The following UBR4 variants were observed in gnomAD, a reference collection of about 807,000 sequenced individuals.
UBR4 encodes the protein ubiquitin protein ligase E3 component n-recognin 4.
In UBR4, 124 loss-of-function variants were observed where a neutral mutation model predicts 575.6. That is an observed-to-expected ratio of 0.22 (90% CI 0.19 to 0.25). The LOEUF (loss-of-function observed/expected upper bound fraction) is 0.25. UBR4 is among the 10% of genes least tolerant of loss of function. The pLI, the probability that UBR4 is intolerant of heterozygous loss-of-function variation, is 1.00. For synonymous variants in UBR4, 2,455 were observed against 2,473.7 expected (o/e 0.99, Z 0.22); for missense variants, 4,818 against 6,478.8 (o/e 0.74, Z 8.80).
intron 21 of UBR4, 111 bp from the exon 22 acceptor site, chr1:19,174,558 A>T: frequency 7.0e-7 from 1 of 1,419,870 alleles, no homozygotes; most frequent in South Asian, 1.3e-5. Flanking sequence ...ATCAAATCAT[A>T]ATCATTAATT....
rs144957631 is a variant in UBR4, at chr1:19,176,623, T to G, written c.2742A>C (p.Val914=). Residue 914 remains valine (V), a synonymous_variant, in exon 20 of 106, where the codon GTA becomes GTC. Transcript: ENST00000375254. ...AGAAATGCTTAGACCAGTTTTCTTC[T>G]ACTTCTTTGAATCCATGATAGAGAG... ...TTPLYHGFKE[V]EENWSKHFSS... is the part of the protein sequence containing the mutation. The G allele has an allele frequency of 1.9e-6, 3 of 1,614,010 alleles. No homozygotes were observed. The African/African-American group carries it at 4.0e-5, about 22-fold the overall frequency.
At chr1:19,079,693 C>G (rs2076296870) in intron 103 of UBR4, 2 of 152,358 alleles carry the variant, frequency 1.3e-5, no homozygotes, top group Admixed American at 6.5e-5. Context: ...GCCCTTCCAG[C>G]CGCGGTCTCT....
chr1:19,095,095 C>G, intron 93 of UBR4, 70 bp from the exon 94 acceptor site: 1 of 1,608,958 alleles, frequency 6.2e-7, no homozygotes, highest in Non-Finnish European at 8.5e-7. Context: ...GACAATTGCT[C>G]TCAAGGATGC....
At chr1:19,151,578 G>C (rs2085724373) in intron 48 of UBR4, 65 bp downstream of exon 48, 4 of 1,548,404 alleles carry the variant, frequency 2.6e-6, no homozygotes, top group Middle Eastern at 1.7e-4. Context: ...ACAGCCACAG[G>C]CCAGTGGCTC....
At chr1:19,137,744 T>C (rs1438102723) in intron 60 of UBR4, among the ~76,000 whole-genome samples, 1 of 152,190 alleles carries the variant, frequency 6.6e-6, no homozygotes, top group African/African-American at 2.4e-5. Context: ...TTTATGACAA[T>C]CACTTTACAG....
Position 19,110,012 on chromosome 1 carries a change from C to CATGAGAAAA in UBR4, c.12105+83_12105+84insTTTTCTCAT, listed in dbSNP as rs2079664325. On this transcript the variant is annotated intron_variant, in intron 81 of 105. Transcript: ENST00000375254. The surrounding 1 kb of genome is among the most constrained non-coding windows in gnomAD (Gnocchi z 4.5). ...GGTGGGCTCAAGGCAAAGCGGAGACCATGAGGAGGCAGGGCACACTGCCAG... is the reference window on the plus strand; with the variant it reads ...GGTGGGCTCAAGGCAAAGCGGAGACCATGAGAAAAATGAGGAGGCAGGGCACACTGCCAG... 1.3e-5 allele frequency: 20 copies of CATGAGAAAA among 1,592,308 alleles called. No homozygotes were observed. The East Asian group carries it at 4.5e-4, about 36-fold the overall frequency.
chr1:19,146,837 T>A lies in UBR4; in HGVS notation c.7793A>T (p.Gln2598Leu). The A allele has an allele frequency of 6.2e-7, 1 of 1,613,302 alleles. No homozygotes were observed. Among genetic ancestry groups the A allele is most frequent in the Non-Finnish European group, 8.5e-7 (1 of 1,179,488 alleles). ...LVHFTESKLP[Q>L]METEGMDEGK... ...GAGGCCAAGTTCACCTGTTTCCATC[T>A]GGGGCAGCTTTGACTCCGTAAAGTG... Residue 2598 changes from glutamine to leucine, a missense_variant, in exon 52 of 106, where the codon CAG (glutamine) becomes CTG (leucine). Around this residue, in one of 29 missense-constraint regions of UBR4, gnomAD observed 340 missense variants for 375.4 expected, o/e 0.91. Coordinates refer to ENST00000375254, the MANE Select transcript of UBR4 (RefSeq NM_020765.3).
Position 19,210,065 on chromosome 1 carries a change from C to G in UBR4, c.176+8G>C, listed in dbSNP as rs1293727735. 1.3e-6 allele frequency: 2 copies of G among 1,546,802 alleles called. No homozygotes were observed. Among genetic ancestry groups the G allele is most frequent in the African/African-American group, 1.4e-5 (1 of 70,774 alleles). On this transcript the variant is annotated splice_region_variant and intron_variant, in intron 1 of 105. Transcript: ENST00000375254. ...ACAGCGTCGCCCGCCAGAGCCGCCGCCCGGTACCTCTCGATGACTGAGGCC... is the reference window on the plus strand; with the variant it reads ...ACAGCGTCGCCCGCCAGAGCCGCCGGCCGGTACCTCTCGATGACTGAGGCC...
At chr1:19,114,097 T>G (rs1451426938) in intron 75 of UBR4, 27 bp from the exon 76 acceptor site, 1 of 1,600,234 alleles carries the variant, frequency 6.2e-7, no homozygotes, top group East Asian at 2.2e-5. Flanking sequence ...AGGGACTGAG[T>G]GAAGGCTTTT....
At chr1:19,127,545 CACCTCTGTG>C in intron 63 of UBR4, 69 bp downstream of exon 63, 1 of 1,072,954 alleles carries the variant, frequency 9.3e-7, no homozygotes, top group Non-Finnish European at 1.4e-6. Context: ...AGAGGACTAC[CACCTCTGTG>C]CTGGCCCTAG....
chr1:19,152,368 G>A lies in UBR4; in HGVS notation c.6941C>T (p.Ala2314Val), dbSNP rs191029276. ...GGNDLLQVYNAQQIKHRLNST... is the reference protein window; with the variant it reads ...GGNDLLQVYNVQQIKHRLNST... ...ATTCAGCCGGTGTTTTATCTGTTGT[G>A]CATTATAGACCTGTAGGAGGTCGTT... Residue 2314 changes from alanine (A) to valine (V), a missense_variant, in exon 47 of 106, where the codon GCA becomes GTA. Physicochemically the swap from Ala to Val is moderately conservative, Grantham distance 64 (BLOSUM62 0). Around this residue, in one of 29 missense-constraint regions of UBR4, gnomAD observed 461 missense variants for 606.9 expected, o/e 0.76. Coordinates refer to ENST00000375254, the MANE Select transcript of UBR4 (RefSeq NM_020765.3). This position sits in a 1 kb window ranked among gnomAD's most constrained non-coding sequence, Gnocchi z 4.4. 1.2e-6 allele frequency: 2 copies of A among 1,613,938 alleles called. No homozygotes were observed. The highest frequency in any genetic ancestry group is 2.2e-5 in the East Asian group (1 of 44,886).
chr1:19,112,609 T>C lies in UBR4; in HGVS notation c.11716A>G (p.Ile3906Val), dbSNP rs2080028089. 2 of 1,614,220 alleles carry C rather than the reference T, an allele frequency of 1.2e-6. No individual in the cohort carries two copies. The highest frequency in any genetic ancestry group is 1.7e-6 in the Non-Finnish European group (2 of 1,180,038). Residue 3906 changes from isoleucine to valine, a missense_variant, in exon 78 of 106, where the codon ATC becomes GTC. Physicochemically the swap from Ile to Val is conservative, Grantham distance 29. This residue lies in a region of UBR4 where 333 missense variants were observed against 459.2 expected (regional missense o/e 0.73). Coordinates refer to ENST00000375254, the MANE Select transcript of UBR4 (RefSeq NM_020765.3). ...AGATTATAATCAAAGAGCTCCCGGA[T>C]AAGGCCCTGGGAGACAAGGATGTGC... ...LRHILVSQGL[I>V]RELFDYNLRR...
Position 19,196,007 on chromosome 1 carries a change from CACACACACACAA to C in UBR4, c.1018+1122_1018+1133del, listed in dbSNP as rs1271210474. Reference sequence around the variant, plus strand: ...ACACACACACACACACACACACACACACACACACACAAACTTACGTAGTATGTTCCCCCAAAC... The same window carrying C: ...ACACACACACACACACACACACACACACTTACGTAGTATGTTCCCCCAAAC... On this transcript the variant is annotated intron_variant, in intron 8 of 105. Transcript: ENST00000375254. Among the ~76,000 whole-genome samples the C allele has an allele frequency of 8.6e-5, 13 of 151,100 alleles. No individual in the cohort carries two copies. The Admixed American group carries it at 8.6e-4, about 10-fold the overall frequency.
chr1:19,178,949 CA>C, intron 18 of UBR4, 101 bp downstream of exon 18: 1 of 1,420,680 alleles, frequency 7.0e-7, no homozygotes, highest in African/African-American at 1.4e-5. Flanking sequence ...TAAACATTAT[CA>C]TTACAGCAAA....
Position 19,110,985 on chromosome 1 carries a change from G to C in UBR4, c.11802-153C>G, listed in dbSNP as rs1207986761. Reference sequence around the variant, plus strand: ...TTCCCGGGGCAAGACTAGAACTTTAGCTTCACAAAACCGTGGTCGGTAATA... The same window carrying C: ...TTCCCGGGGCAAGACTAGAACTTTACCTTCACAAAACCGTGGTCGGTAATA... On this transcript the variant is annotated intron_variant, in intron 78 of 105. Coordinates refer to ENST00000375254, the MANE Select transcript of UBR4 (RefSeq NM_020765.3). This position sits in a 1 kb window ranked among gnomAD's most constrained non-coding sequence, Gnocchi z 4.5. Among the ~76,000 whole-genome samples the C allele has an allele frequency of 6.6e-6, 1 of 152,184 alleles. No homozygotes were observed. The highest frequency in any genetic ancestry group is 1.5e-5 in the Non-Finnish European group (1 of 68,036).
rs920742961 is a variant in UBR4, at chr1:19,129,222, TAAG to T, written c.8907-151_8907-149del. 2.1e-5 allele frequency: 13 copies of T among 620,882 alleles called. No individual in the cohort carries two copies. In the African/African-American group the frequency reaches 2.4e-4, roughly 11 times the overall value. 38.5% of individuals were successfully genotyped at this position (620,882 alleles called of 1,614,324 possible). ...AATCTCCAGCATTAAAAAAAAAAGT[TAAG>T]AACTGCCTAATCGGTATGCCAGTCA... is the stretch of plus-strand genomic sequence containing the variant. On this transcript the variant is annotated intron_variant, in intron 60 of 105. Transcript: ENST00000375254.
Position 19,173,265 on chromosome 1 carries a change from G to A in UBR4, c.3207C>T (p.Ser1069=), listed in dbSNP as rs374894323. The A allele has an allele frequency of 3.1e-6, 5 of 1,614,084 alleles. No homozygotes were observed. The highest frequency in any genetic ancestry group is 4.2e-6 in the Non-Finnish European group (5 of 1,180,034). Residue 1069 remains serine (S), a synonymous_variant, in exon 24 of 106, where the codon AGC becomes AGT. Transcript: ENST00000375254. The part of the protein sequence containing the change: ...IKQGMKAEHA[S]SLLELASTTK... ...TGGTGGATGCCAGTTCTAGAAGCGA[G>A]CTAGCATGCTCAGCCTTCATTCCCT...
rs768144194 is a variant in UBR4, at chr1:19,122,889, T to A, written c.9760A>T (p.Ser3254Cys). 1.2e-6 allele frequency: 2 copies of A among 1,614,252 alleles called. No homozygotes were observed. The highest frequency in any genetic ancestry group is 1.7e-6 in the Non-Finnish European group (2 of 1,180,036). Reference protein sequence around the residue: ...LEEQGIFLRASVVTASSGSAL... With the variant: ...LEEQGIFLRACVVTASSGSAL... ...GAGCCTGAGCTGGCTGTAACCACACTTGCCCGGAGGAATATCCCCTGCTCT... is the reference window on the plus strand; with the variant it reads ...GAGCCTGAGCTGGCTGTAACCACACATGCCCGGAGGAATATCCCCTGCTCT... Residue 3254 changes from serine to cysteine, a missense_variant, in exon 66 of 106, where the codon AGT becomes TGT. Physicochemically the swap from Ser to Cys is moderately radical, Grantham distance 112 (BLOSUM62 -1). Around this residue, in one of 29 missense-constraint regions of UBR4, gnomAD observed 550 missense variants for 791.5 expected, o/e 0.69. Transcript: ENST00000375254.
intron 60 of UBR4, among the ~76,000 whole-genome samples, chr1:19,132,161 T>C (rs922600713): frequency 6.6e-6 from 1 of 152,050 alleles, no homozygotes; most frequent in Non-Finnish European, 1.5e-5. Flanking sequence ...GAGAAAAATA[T>C]ATTGCTTCAA....
Sources: gnomAD v4.1 joint callset for allele counts (sites outside exome capture counted in the v4.1 genomes callset) on GRCh38, gnomAD v4.1.1 for gene constraint, gnomAD v4.1.1 regional missense constraint, Gnocchi (gnomAD v3.1) non-coding constraint, MANE v1.5 for transcripts, NCBI Gene and HGNC (gene_info 2026-07-23, HGNC 2026-07-21) for gene names.